Variants in IL12RB1 observed in about 807,000 individuals in gnomAD.
The protein encoded by IL12RB1 is interleukin 12 receptor subunit beta 1.
IL12RB1 carries 64 observed loss-of-function variants against 94.4 expected under a neutral mutation model. That is an observed-to-expected ratio of 0.68 (90% CI 0.55 to 0.83). The LOEUF is 0.83. Among genes scored for constraint, IL12RB1 ranks in the 40% least tolerant of loss-of-function variants. The pLI, the probability that IL12RB1 is intolerant of heterozygous loss-of-function variation, is 0.00. For synonymous variants in IL12RB1, 362 were observed against 355.5 expected, an observed-to-expected ratio of 1.02 and a Z score of -0.21; for missense variants, 814 against 855.6, an observed-to-expected ratio of 0.95 and a Z score of 0.61.
At chr19:18,098,798 A>G in exon 1 of IL12RB1, 1 of 456,616 alleles carries the variant, frequency 2.2e-6, no homozygotes, top group Non-Finnish European at 4.4e-6. Context: ...CTGGCTCTGG[A>G]GAGGCAGCGG....
chr19:18,088,116 G>A (rs1052332634), upstream of IL12RB1, among the ~76,000 whole-genome samples: 2 of 151,950 alleles, frequency 1.3e-5, no homozygotes, highest in Non-Finnish European at 2.9e-5. Context: ...GGCCAGGCGC[G>A]GTGGCTCACG....
chr19:18,075,674 G>A (rs2035419217), intron 7 of IL12RB1, 75 bp downstream of exon 7: 3 of 1,324,750 alleles, frequency 2.3e-6, no homozygotes, highest in Non-Finnish European at 2.2e-6. Context: ...TGGAACTACA[G>A]GTGTGCACCA....
rs151217871 is a variant in IL12RB1 at position 18,074,917 on chromosome 19, T to C, written c.700+832A>G. Among the ~76,000 whole-genome samples the C allele has an allele frequency of 2.8e-4, 42 of 150,548 alleles. No homozygotes were observed. In the East Asian group the frequency reaches 8.4e-3, roughly 30 times the overall value. The stretch of plus-strand genomic sequence containing the variant: ...AATACAAAAAATTAACCGGGCGTGG[T>C]TGCAGACACCTGTAGTCCCAGCTAC... On this transcript the variant is annotated intron_variant, in intron 7 of 16. Coordinates refer to ENST00000593993, the MANE Select transcript of IL12RB1 (RefSeq NM_005535.3).
chr19:18,077,435 G>A lies in IL12RB1; in HGVS notation c.549+81C>T, dbSNP rs1393985330. ...GGGCTGGTTGGGAGCGGGGACAGATGCAGAGATGGTGAGACTGATTTGGGG... is the reference window on the plus strand; with the variant it reads ...GGGCTGGTTGGGAGCGGGGACAGATACAGAGATGGTGAGACTGATTTGGGG... On this transcript the variant is annotated intron_variant, in intron 5 of 16. Transcript: ENST00000593993. 6 of 1,070,654 alleles carry A rather than the reference G, an allele frequency of 5.6e-6. No homozygotes were observed. In the East Asian group the frequency reaches 1.5e-4, roughly 27 times the overall value. 66.3% of individuals were successfully genotyped at this position (1,070,654 alleles called of 1,614,324 possible).
chr19:18,073,183 G>A (rs1163666839), intron 8 of IL12RB1, among the ~76,000 whole-genome samples: 2 of 151,908 alleles, frequency 1.3e-5, no homozygotes, highest in African/African-American at 2.4e-5. Flanking sequence ...GGGTTGTTTT[G>A]GGACTTAAAG....
intron 4 of IL12RB1, among the ~76,000 whole-genome samples, chr19:18,079,382 G>A (rs2035716848): frequency 6.6e-6 from 1 of 152,040 alleles, no homozygotes; most frequent in African/African-American, 2.4e-5. Flanking sequence ...AGGATTACAG[G>A]CGTGAACCAC....
chr19:18,066,852 C>G (rs1301904124), intron 11 of IL12RB1, among the ~76,000 whole-genome samples, 155 bp from the exon 12 acceptor site: 2 of 152,068 alleles, frequency 1.3e-5, no homozygotes, highest in African/African-American at 4.8e-5. Context: ...CATGGCAAAA[C>G]CCCTTCTCTA....
rs121434493 is a variant in IL12RB1 at position 18,069,609 on chromosome 19, G to A, written c.1126C>T (p.Gln376Ter). The A allele has an allele frequency of 3.1e-6, 5 of 1,613,098 alleles. No homozygotes were observed. The highest frequency in any genetic ancestry group is 4.2e-6 in the Non-Finnish European group (5 of 1,179,870). Residue 376 changes from glutamine (Q) to a stop codon, truncating the protein, a stop_gained, in exon 10 of 17, where the codon CAG (glutamine) becomes TAG (stop). Coordinates refer to ENST00000593993, the MANE Select transcript of IL12RB1 (RefSeq NM_005535.3). LOFTEE classifies it high-confidence loss of function. Reference protein sequence around the residue: ...TYCIEWQPVGQDGGLATCSLT... With the variant: ...TYCIEWQPVG ...CTGCAGGTGGCAAGGCCCCCGTCCTGGCCCACAGGCTGCCATTCAATGCAA... is the reference window on the plus strand; with the variant it reads ...CTGCAGGTGGCAAGGCCCCCGTCCTAGCCCACAGGCTGCCATTCAATGCAA...
chr19:18,066,353 C>T lies in IL12RB1; in HGVS notation c.1483+189G>A, dbSNP rs184732640. Among the ~76,000 whole-genome samples, 11 of 152,206 alleles carry T rather than the reference C, an allele frequency of 7.2e-5. No individual in the cohort carries two copies. The East Asian group carries it at 1.4e-3, about 19-fold the overall frequency. On this transcript the variant is annotated intron_variant, in intron 12 of 16. Coordinates refer to ENST00000593993, the MANE Select transcript of IL12RB1 (RefSeq NM_005535.3). ...AACTCCTGACCTCAGGTGATCCGCC[C>T]GCCTTGGCCTCCCAAAGTGCTGGGA...
chr19:18,070,453 A>G lies in IL12RB1; in HGVS notation c.1022-740T>C, dbSNP rs533176064. 3.5e-5 allele frequency: 30 copies of G among 866,076 alleles called. No individual in the cohort carries two copies. In the African/African-American group the frequency reaches 5.3e-4, roughly 15 times the overall value. The allele number at this position is 866,076 out of a possible 1,614,324, so 53.6% of individuals were successfully genotyped here. On this transcript the variant is annotated intron_variant, in intron 9 of 16. Transcript: ENST00000593993. ...GGCGCCACTGGTGGTCTCATGCCAA[A>G]CTCAGAAGCACGAGCACACACCCAC...
chr19:18,076,885 C>T (rs1236473637), intron 5 of IL12RB1, among the ~76,000 whole-genome samples: 1 of 151,962 alleles, frequency 6.6e-6, no homozygotes, highest in Admixed American at 6.6e-5. Flanking sequence ...TGGATTGAAT[C>T]TGGGAGCAGA....
rs1179503737 is a variant in IL12RB1 at position 18,066,432 on chromosome 19, A to G, written c.1483+110T>C. The stretch of plus-strand genomic sequence containing the variant: ...AATTCTCTTGTTTTAAGGGTTTGAT[A>G]ACCAAGGCCCAGAGAAGGACGGCAA... On this transcript the variant is annotated intron_variant, in intron 12 of 16. Coordinates refer to ENST00000593993, the MANE Select transcript of IL12RB1 (RefSeq NM_005535.3). The G allele has an allele frequency of 5.3e-6, 4 of 747,930 alleles. No individual in the cohort carries two copies. The Admixed American group carries it at 6.1e-5, about 11-fold the overall frequency. The allele number at this position is 747,930 out of a possible 1,614,324, so 46.3% of individuals were successfully genotyped here. A position where few individuals can be genotyped will look rare whatever the true frequency, so the allele number is the denominator to read the frequency against.
At chr19:18,094,612 C>A (rs1017382461) in intron 1 of IL12RB1, among the ~76,000 whole-genome samples, 1 of 152,092 alleles carries the variant, frequency 6.6e-6, no homozygotes, top group Non-Finnish European at 1.5e-5. Flanking sequence ...GCCTGTAATC[C>A]CAGCACGTTG....
upstream of IL12RB1, among the ~76,000 whole-genome samples, chr19:18,088,837 CT>C (rs1271618820): frequency 2.0e-5 from 3 of 152,004 alleles, no homozygotes; most frequent in African/African-American, 4.8e-5. Flanking sequence ...TGAGACCAGC[CT>C]GGCCAACAAG....
chr19:18,060,554 T>C (rs1398441547), intron 15 of IL12RB1, among the ~76,000 whole-genome samples: 1 of 152,092 alleles, frequency 6.6e-6, no homozygotes, highest in Non-Finnish European at 1.5e-5. Context: ...CACTCCCATC[T>C]GTCTTTGGGA....
Position 18,064,108 on chromosome 19 carries a change from G to A in IL12RB1, c.1484-98C>T, listed in dbSNP as rs17879396. ...CTGTGGGTGGGGTGGGGATTCATAG[G>A]CATTTTGCTAAAATCTCTACTCTTT... On this transcript the variant is annotated intron_variant, in intron 12 of 16. Transcript: ENST00000593993. The A allele has an allele frequency of 2.1e-4, 150 of 699,648 alleles. No individual in the cohort carries two copies. In the African/African-American group the frequency reaches 2.5e-3, roughly 12 times the overall value. 43.3% of individuals were successfully genotyped at this position (699,648 alleles called of 1,614,324 possible).
At chr19:18,097,900 G>T in intron 1 of IL12RB1, 1 of 1,146,874 alleles carries the variant, frequency 8.7e-7, no homozygotes. Context: ...GAAAGGTGCC[G>T]GGAGGGGCGG....
intron 12 of IL12RB1, 120 bp from the exon 13 acceptor site, chr19:18,064,130 C>CTTT: frequency 2.2e-5 from 10 of 461,890 alleles, no homozygotes; most frequent in Non-Finnish European, 3.1e-5. Flanking sequence ...AATCTCTACT[C>CTTT]TTTCTTTCTT....
intron 13 of IL12RB1, 140 bp downstream of exon 13, chr19:18,063,736 G>C: frequency 1.3e-6 from 1 of 742,162 alleles, no homozygotes; most frequent in South Asian, 2.1e-5. Context: ...AATGGGAGCA[G>C]TTTGAGCTGC....
Sources: gnomAD v4.1 joint callset for allele counts (sites outside exome capture counted in the v4.1 genomes callset) on GRCh38, gnomAD v4.1.1 for gene constraint, MANE v1.5 for transcripts, NCBI Gene and HGNC (gene_info 2026-07-23, HGNC 2026-07-21) for gene names.